The following SLCO1B1 variants were observed in gnomAD, a reference collection of about 807,000 sequenced individuals.
SLCO1B1 encodes the protein solute carrier organic anion transporter family member 1B1.
Under a neutral mutation model 70.1 loss-of-function variants are expected in SLCO1B1, and 81 were observed. That is an observed-to-expected ratio of 1.16 (90% CI 0.97 to 1.39). SLCO1B1 has a LOEUF of 1.39. Ranked by LOEUF, SLCO1B1 falls within the 40% of genes most tolerant of loss-of-function variation. The pLI is 0.00. For missense variants in SLCO1B1, 895 were observed against 799.6 expected (o/e 1.12, Z -1.44); for synonymous variants, 283 against 271.5 (o/e 1.04, Z -0.42).
intron 7 of SLCO1B1, among the ~76,000 whole-genome samples, chr12:21,184,914 G>C (rs553092100): frequency 6.6e-6 from 1 of 152,132 alleles, no homozygotes; most frequent in Non-Finnish European, 1.5e-5. Context: ...GGAACGGAAA[G>C]AGATCTATCC....
intron 14 of SLCO1B1, among the ~76,000 whole-genome samples, chr12:21,232,741 A>AACACAG (rs1555098590): frequency 1.9e-5 from 2 of 107,948 alleles, no homozygotes; most frequent in African/African-American, 7.9e-5. Flanking sequence ...GAGACAGAGA[A>AACACAG]AGACAGAGAC....
At chr12:21,142,617 G>A (rs778215064) in intron 2 of SLCO1B1, among the ~76,000 whole-genome samples, 3 of 151,854 alleles carry the variant, frequency 2.0e-5, no homozygotes, top group Non-Finnish European at 4.4e-5. Context: ...AAATTTGTTT[G>A]TTTTCTGAGA....
intron 14 of SLCO1B1, among the ~76,000 whole-genome samples, chr12:21,226,082 A>G (rs1263012669): frequency 6.6e-6 from 1 of 152,226 alleles, no homozygotes; most frequent in East Asian, 1.9e-4. Context: ...GACAAGAAAG[A>G]AATTAAATGC....
In SLCO1B1 at chr12:21,198,184, A is replaced by C. The variant is rs373135276; in HGVS notation, c.970+996A>C. On this transcript the variant is annotated intron_variant, in intron 8 of 14. Coordinates refer to ENST00000256958, the MANE Select transcript of SLCO1B1 (RefSeq NM_006446.5). ...CTTTCTATCACACTAACCCAAGAGC[A>C]GTGGTGTTCTGGTACTCTTTATATT... is the stretch of plus-strand genomic sequence containing the variant. Among the ~76,000 whole-genome samples the C allele has an allele frequency of 1.3e-3, 192 of 152,164 alleles. 4 individuals are homozygous for C. The South Asian group carries it at 0.039, about 31-fold the overall frequency.
intron 13 of SLCO1B1, 82 bp from the exon 14 acceptor site, chr12:21,224,640 C>A: frequency 3.4e-6 from 3 of 880,600 alleles, no homozygotes; most frequent in South Asian, 1.4e-5. Flanking sequence ...TTTATTTAAT[C>A]AAAATATATC....
At chr12:21,215,924 G>T (rs1941352756) in intron 11 of SLCO1B1, among the ~76,000 whole-genome samples, 1 of 152,010 alleles carries the variant, frequency 6.6e-6, no homozygotes, top group South Asian at 2.1e-4. Context: ...ATTACTCTTT[G>T]TTCGTCTTGG....
Position 21,176,907 on chromosome 12 carries a change from A to T in SLCO1B1, c.481+10A>T. 1.9e-6 allele frequency: 3 copies of T among 1,543,178 alleles called. No homozygotes were observed. The highest frequency in any genetic ancestry group is 2.7e-6 in the Non-Finnish European group (3 of 1,115,686). On this transcript the variant is annotated intron_variant, in intron 5 of 14. Transcript: ENST00000256958. ...GAGATAGTGGGAAAAGGTAAGAATT[A>T]ATATTGACAGTAAAAAGTCTTCTAA... is the stretch of plus-strand genomic sequence containing the variant.
At chr12:21,238,680 C>T (rs1193115887) in intron 14 of SLCO1B1, among the ~76,000 whole-genome samples, 3 of 152,040 alleles carry the variant, frequency 2.0e-5, no homozygotes, top group Non-Finnish European at 4.4e-5. Flanking sequence ...ACATACTTCT[C>T]AGTTTCTCCT....
chr12:21,208,614 C>CTTTTT (rs1002502052), intron 11 of SLCO1B1, among the ~76,000 whole-genome samples: 1 of 151,982 alleles, frequency 6.6e-6, no homozygotes, highest in Non-Finnish European at 1.5e-5. Context: ...TATTCAGTCT[C>CTTTTT]TTTTTTCCTA....
intron 2 of SLCO1B1, among the ~76,000 whole-genome samples, chr12:21,150,172 T>G (rs1940451161): frequency 6.6e-6 from 1 of 152,078 alleles, no homozygotes; most frequent in African/African-American, 2.4e-5. Flanking sequence ...GGGCATCTCT[T>G]AAAGAAAGGC....
chr12:21,151,774 G>A (rs1408889245), intron 2 of SLCO1B1, among the ~76,000 whole-genome samples: 5 of 152,070 alleles, frequency 3.3e-5, no homozygotes, highest in Admixed American at 1.3e-4. Flanking sequence ...AATACACAGG[G>A]TATGGGGAAG....
At position 21,239,594 on chromosome 12, in the gene SLCO1B1, TAAAC is replaced by T. The variant is rs1941628196; in HGVS notation, c.*415_*418del. Among the ~76,000 whole-genome samples, 1 of 152,300 alleles carries T rather than the reference TAAAC, an allele frequency of 6.6e-6. No homozygotes were observed. Among genetic ancestry groups the T allele is most frequent in the East Asian group, 1.9e-4 (1 of 5,192 alleles). Reference sequence around the variant, plus strand: ...GAGAAATGCCTAGTGTCTATTTTATTAAACAAACAAACACAGAGTTTGAACTATA... The same window carrying T: ...GAGAAATGCCTAGTGTCTATTTTATTAAACAAACACAGAGTTTGAACTATA... On this transcript the variant is annotated 3_prime_UTR_variant, in exon 15 of 15. Transcript: ENST00000256958.
chr12:21,221,113 T>G (rs1256703656), intron 12 of SLCO1B1, among the ~76,000 whole-genome samples: 1 of 152,138 alleles, frequency 6.6e-6, no homozygotes, highest in East Asian at 1.9e-4. Context: ...AAATTTAACA[T>G]CTTTCATGAC....
chr12:21,224,590 C>A, intron 13 of SLCO1B1, 132 bp from the exon 14 acceptor site: 1 of 664,008 alleles, frequency 1.5e-6, no homozygotes, highest in Non-Finnish European at 2.7e-6. Context: ...TGGGTAGATG[C>A]AGAACAAAAT....
chr12:21,236,016 A>G lies in SLCO1B1; in HGVS notation c.1866-2963A>G, dbSNP rs559390940. 3.9e-5 allele frequency among the ~76,000 whole-genome samples: 6 copies of G among 152,262 alleles called. No homozygotes were observed. In the East Asian group the frequency reaches 7.7e-4, roughly 20 times the overall value. ...GTTGAACTTAGGCAATCTGATGACTATATTCATATAGTATCTGAATGGTTG... is the reference window on the plus strand; with the variant it reads ...GTTGAACTTAGGCAATCTGATGACTGTATTCATATAGTATCTGAATGGTTG... On this transcript the variant is annotated intron_variant, in intron 14 of 14. Transcript: ENST00000256958.
At chr12:21,186,099 A>T (rs1274585558) in intron 7 of SLCO1B1, among the ~76,000 whole-genome samples, 1 of 152,098 alleles carries the variant, frequency 6.6e-6, no homozygotes, top group Non-Finnish European at 1.5e-5. Flanking sequence ...ATGGATTCTC[A>T]GCCAAATTCT....
intron 9 of SLCO1B1, among the ~76,000 whole-genome samples, chr12:21,201,037 T>G (rs929909150): frequency 4.6e-5 from 7 of 152,100 alleles, no homozygotes; most frequent in Admixed American, 4.6e-4. Flanking sequence ...CAAGACTCAG[T>G]TACTTACAAA....
At chr12:21,152,273 G>A (rs554870920) in intron 2 of SLCO1B1, among the ~76,000 whole-genome samples, 1 of 151,714 alleles carries the variant, frequency 6.6e-6, no homozygotes, top group South Asian at 2.1e-4. Context: ...CTGTTCTTGT[G>A]TGCTTCTTTA....
intron 7 of SLCO1B1, among the ~76,000 whole-genome samples, chr12:21,189,770 T>G (rs1591814511): frequency 6.6e-6 from 1 of 152,044 alleles, no homozygotes; most frequent in Non-Finnish European, 1.5e-5. Flanking sequence ...ATTTTTATCA[T>G]GTACACTCTA....
Sources: allele counts gnomAD v4.1 joint callset (sites outside exome capture counted in the v4.1 genomes callset), GRCh38; gene constraint gnomAD v4.1.1; transcripts MANE v1.5; gene names NCBI Gene and HGNC (gene_info 2026-07-23, HGNC 2026-07-21).